Variants in WASHC5 observed in about 807,000 individuals in gnomAD.
WASHC5 encodes the protein WASH complex subunit strumpellin.
WASHC5 carries 101 observed loss-of-function variants against 150.4 expected under a neutral mutation model. That is an observed-to-expected ratio of 0.67 (90% confidence interval 0.57 to 0.79). The LOEUF (loss-of-function observed/expected upper bound fraction) is 0.79, where lower values mean the gene tolerates loss of function less well. Ranked by LOEUF, WASHC5 falls within the 30% of genes least tolerant of loss-of-function variation. The probability of loss-of-function intolerance (pLI) is 0.00; values close to 1 mark genes in which losing one functional copy is unlikely to be tolerated. For synonymous variants in WASHC5, 467 were observed against 491.2 expected (o/e 0.95, Z 0.65); for missense variants, 1,195 against 1,396.3 (o/e 0.86, Z 2.30).
In WASHC5 at chr8:125,063,641, T is replaced by C; in HGVS notation, c.1289A>G (p.Gln430Arg). Residue 430 changes from glutamine (Q) to arginine (R), a missense_variant, in exon 11 of 29, where the codon CAA becomes CGA. Gln to Arg is a conservative substitution (Grantham distance 43). Coordinates refer to ENST00000318410, the MANE Select transcript of WASHC5 (RefSeq NM_014846.4). ...FEFILKEMFK[Q>R]MLSEKQTKWE... is the part of the protein sequence containing the mutation. ...TTTGGTTTGCTTTTCTGAAAGCATT[T>C]GCTTGAACATCTGTTGAAGCAACAG... is the stretch of plus-strand genomic sequence containing the variant. 6.2e-7 allele frequency: 1 copy of C among 1,613,878 alleles called. No homozygotes were observed. The highest frequency in any genetic ancestry group is 1.3e-5 in the African/African-American group (1 of 75,060).
At chr8:125,083,563 T>C (rs1817335539) in intron 2 of WASHC5, 150 bp downstream of exon 2, 1 of 656,864 alleles carries the variant, frequency 1.5e-6, no homozygotes, top group Admixed American at 2.9e-5. Flanking sequence ...CAACTTATTT[T>C]CAAGTTAGTA....
intron 5 of WASHC5, 114 bp from the exon 6 acceptor site, chr8:125,079,044 TC>T: frequency 1.2e-6 from 1 of 820,942 alleles, no homozygotes. Context: ...TCAGATATGA[TC>T]ACAGGTCCAT....
intron 1 of WASHC5, among the ~76,000 whole-genome samples, chr8:125,087,269 A>G (rs1817447250): frequency 6.6e-6 from 1 of 152,094 alleles, no homozygotes; most frequent in Admixed American, 6.6e-5. Context: ...GTACTACTGC[A>G]TTTTCCTCCA....
At chr8:125,058,175 T>C (rs1454989322) in intron 14 of WASHC5, among the ~76,000 whole-genome samples, 1 of 151,384 alleles carries the variant, frequency 6.6e-6, no homozygotes, top group Non-Finnish European at 1.5e-5. Flanking sequence ...CAGAAAAAAA[T>C]TAAATGCTGA....
chr8:125,068,986 G>A (rs1236564546), intron 9 of WASHC5, among the ~76,000 whole-genome samples: 1 of 152,208 alleles, frequency 6.6e-6, no homozygotes, highest in African/African-American at 2.4e-5. Flanking sequence ...GTAGAATAAG[G>A]CAAAATACTT....
rs540168819 is a variant in WASHC5 at position 125,075,934 on chromosome 8, T to C, written c.864+414A>G. On this transcript the variant is annotated intron_variant, in intron 7 of 28. Coordinates refer to ENST00000318410, the MANE Select transcript of WASHC5 (RefSeq NM_014846.4). ...AATAATATAAACTTTAGTAACCCCA[T>C]TACAGTTAGCTTATAGGTAAAACTT... Among the ~76,000 whole-genome samples the C allele has an allele frequency of 2.6e-5, 4 of 152,332 alleles. No individual in the cohort carries two copies. The East Asian group carries it at 5.8e-4, about 22-fold the overall frequency.
In WASHC5 at chr8:125,038,812, T is replaced by C. The variant is rs776045038; in HGVS notation, c.3084+18A>G. ...TTCTGTACCCCCATCCCCGCCATTA[T>C]ATATTTTAATTACTCACCTTATTCA... is the stretch of plus-strand genomic sequence containing the variant. On this transcript the variant is annotated intron_variant, in intron 25 of 28. Coordinates refer to ENST00000318410, the MANE Select transcript of WASHC5 (RefSeq NM_014846.4). 12 of 1,613,456 alleles carry C rather than the reference T, an allele frequency of 7.4e-6. No individual in the cohort carries two copies. The Admixed American group carries it at 1.7e-4, about 22-fold the overall frequency.
In WASHC5 at chr8:125,083,782, C is replaced by T. The variant is rs778426497; in HGVS notation, c.117G>A (p.Val39=). 3 of 1,613,692 alleles carry T rather than the reference C, an allele frequency of 1.9e-6. No homozygotes were observed. Among genetic ancestry groups the T allele is most frequent in the Admixed American group, 1.7e-5 (1 of 59,978 alleles). Residue 39 remains valine (V), a synonymous_variant, in exon 2 of 29, where the codon GTG becomes GTA. Coordinates refer to ENST00000318410, the MANE Select transcript of WASHC5 (RefSeq NM_014846.4). ...LLRLSEFIPA[V]FRLKDRADQQ... ...GATCAGCTCTGTCTTTTAACCTGAA[C>T]ACAGCAGGAATAAACTCAGAGAGTC...
intron 26 of WASHC5, among the ~76,000 whole-genome samples, chr8:125,035,717 C>T (rs1192830264): frequency 1.3e-5 from 2 of 152,146 alleles, no homozygotes; most frequent in African/African-American, 4.8e-5. Flanking sequence ...CAGGCATTGT[C>T]ATGGAAGCAG....
chr8:125,046,648 A>T (rs556979139), intron 20 of WASHC5, among the ~76,000 whole-genome samples: 1 of 152,314 alleles, frequency 6.6e-6, no homozygotes, highest in South Asian at 2.1e-4. Context: ...TAATGCCTAT[A>T]AGATTGCTGT....
chr8:125,031,791 C>T lies in WASHC5; in HGVS notation c.3335+450G>A, dbSNP rs79544009. On this transcript the variant is annotated intron_variant, in intron 27 of 28. Coordinates refer to ENST00000318410, the MANE Select transcript of WASHC5 (RefSeq NM_014846.4). ...TTATAAGCATTGTATCAAATAGCAA[C>T]TCTTGTGAAATTTGCTTCTCTACAT... Among the ~76,000 whole-genome samples the T allele has an allele frequency of 2.3e-3, 344 of 152,250 alleles. 2 individuals are homozygous for T. The highest frequency in any genetic ancestry group is 8.0e-3 in the African/African-American group (331 of 41,544).
chr8:125,068,584 C>T (rs1309175971), intron 9 of WASHC5, among the ~76,000 whole-genome samples: 1 of 152,202 alleles, frequency 6.6e-6, no homozygotes, highest in Non-Finnish European at 1.5e-5. Flanking sequence ...GATGCTGAGT[C>T]CTCTGTGTCC....
At chr8:125,054,557 G>A (rs1816345652) in intron 17 of WASHC5, among the ~76,000 whole-genome samples, 1 of 152,164 alleles carries the variant, frequency 6.6e-6, no homozygotes. Flanking sequence ...ATATGGGCCG[G>A]GCGTGGTGGC....
At chr8:125,028,973 C>T (rs3815873) in intron 27 of WASHC5, among the ~76,000 whole-genome samples, 4,552 of 151,996 alleles carry the variant, frequency 0.03, 129 homozygotes, top group South Asian at 0.16. Context: ...AGACTCATCT[C>T]CCTCTGTTTA....
At chr8:125,083,394 G>T (rs1400560989) in intron 2 of WASHC5, 136 bp from the exon 3 acceptor site, 13 of 760,222 alleles carry the variant, frequency 1.7e-5, no homozygotes, top group Non-Finnish European at 2.8e-5. Context: ...AAGTAGTGAA[G>T]ATAATAGAAG....
rs77294313 is a variant in WASHC5 at position 125,060,827 on chromosome 8, T to G, written c.1521+255A>C. ...CAATTTGCCCAATGTTTCTATATTATTTTTATAATTATGTTTCTAAGATTA... is the reference window on the plus strand; with the variant it reads ...CAATTTGCCCAATGTTTCTATATTAGTTTTATAATTATGTTTCTAAGATTA... On this transcript the variant is annotated intron_variant, in intron 12 of 28. Transcript: ENST00000318410. Among the ~76,000 whole-genome samples the G allele has an allele frequency of 0.026, 3,978 of 152,272 alleles. 174 individuals are homozygous for G. The highest frequency in any genetic ancestry group is 0.092 in the African/African-American group (3,808 of 41,512).
intron 8 of WASHC5, among the ~76,000 whole-genome samples, chr8:125,074,068 G>A (rs1816979585): frequency 6.6e-6 from 1 of 152,102 alleles, no homozygotes; most frequent in Admixed American, 6.5e-5. Flanking sequence ...CCAGCTTTTT[G>A]GAAAATTTGG....
At chr8:125,048,236 C>T (rs1407240196) in intron 19 of WASHC5, among the ~76,000 whole-genome samples, 1 of 152,148 alleles carries the variant, frequency 6.6e-6, no homozygotes, top group East Asian at 1.9e-4. Context: ...CTGGAATAGA[C>T]TTAAACTTTT....
intron 5 of WASHC5, among the ~76,000 whole-genome samples, chr8:125,079,174 G>GT (rs1346246028): frequency 8.8e-6 from 1 of 113,456 alleles, no homozygotes; most frequent in Non-Finnish European, 1.7e-5. Context: ...CGCTATGTAT[G>GT]TATATATAAC....
Sources: allele counts gnomAD v4.1 joint callset (sites outside exome capture counted in the v4.1 genomes callset), GRCh38; gene constraint gnomAD v4.1.1; transcripts MANE v1.5; gene names NCBI Gene and HGNC (gene_info 2026-07-23, HGNC 2026-07-21).